MSRA: variants seen among roughly 807,000 people sequenced by gnomAD.
MSRA encodes the protein mitochondrial peptide methionine sulfoxide reductase.
In MSRA, 54 loss-of-function variants were observed where a neutral mutation model predicts 31.3. The ratio of observed to expected loss-of-function variants is 1.73; its 90% confidence interval spans 1.39 to 2.17. MSRA has a LOEUF of 2.17. Among genes scored for constraint, MSRA ranks in the 30% most tolerant of loss-of-function variants. The pLI is 0.00. For missense variants in MSRA, 507 were observed against 300.9 expected (o/e 1.69, Z -5.07); for synonymous variants, 169 against 116.5 (o/e 1.45, Z -2.90).
chr8:10,129,433 T>C (rs1801738393), intron 1 of MSRA, among the ~76,000 whole-genome samples: 1 of 152,190 alleles, frequency 6.6e-6, no homozygotes, highest in African/African-American at 2.4e-5. Flanking sequence ...TATAAAGTGA[T>C]GAGGTGAAAT....
intron 5 of MSRA, among the ~76,000 whole-genome samples, chr8:10,355,835 G>A (rs1447244248): frequency 3.3e-5 from 5 of 152,140 alleles, no homozygotes; most frequent in Admixed American, 1.3e-4. Flanking sequence ...GGTTTAGAGT[G>A]GAGACTTGGA....
At chr8:10,085,502 G>C (rs903582840) in intron 1 of MSRA, among the ~76,000 whole-genome samples, 12 of 152,162 alleles carry the variant, frequency 7.9e-5, no homozygotes, top group African/African-American at 2.9e-4. Context: ...TTTTAGGTGG[G>C]GACAGTGTCT....
chr8:10,105,397 T>A (rs543556312), intron 1 of MSRA, among the ~76,000 whole-genome samples: 1 of 152,330 alleles, frequency 6.6e-6, no homozygotes, highest in East Asian at 1.9e-4. Flanking sequence ...TTAATTAACA[T>A]CTAGAGGAAA....
At chr8:10,424,905 C>CG (rs1229187186) in intron 5 of MSRA, among the ~76,000 whole-genome samples, 9 of 152,192 alleles carry the variant, frequency 5.9e-5, no homozygotes, top group Admixed American at 1.3e-4. Flanking sequence ...GGGCCCACCC[C>CG]GGGGGACAGC....
intron 3 of MSRA, among the ~76,000 whole-genome samples, chr8:10,254,536 T>C (rs1409567596): frequency 1.3e-5 from 2 of 152,196 alleles, no homozygotes; most frequent in Non-Finnish European, 2.9e-5. Flanking sequence ...ATGACCACTT[T>C]GTAATCCACA....
chr8:10,087,400 C>A (rs73528907), intron 1 of MSRA, among the ~76,000 whole-genome samples: 1 of 152,308 alleles, frequency 6.6e-6, no homozygotes, highest in African/African-American at 2.4e-5. Flanking sequence ...GGCTCCATAT[C>A]CCTTGGCTCA....
intron 2 of MSRA, among the ~76,000 whole-genome samples, chr8:10,214,401 AG>A (rs990500987): frequency 6.6e-6 from 1 of 152,278 alleles, no homozygotes; most frequent in East Asian, 1.9e-4. Flanking sequence ...GTTTTGAATC[AG>A]CCCCGGTTAT....
At chr8:10,337,006 C>T (rs1027082357) in intron 5 of MSRA, 1 of 152,174 alleles carries the variant, frequency 6.6e-6, no homozygotes, top group African/African-American at 2.4e-5. Flanking sequence ...GCCCAGAAAA[C>T]AATGGTAAAG....
intron 5 of MSRA, among the ~76,000 whole-genome samples, chr8:10,363,739 C>CACACACACACACACACACACACACAG (rs1491121409): frequency 1.2e-4 from 3 of 24,982 alleles, no homozygotes; most frequent in Non-Finnish European, 2.1e-4. Context: ...ATGCAGTCAC[C>CACACACACACACACACACACACACAG]ACACACACAC....
intron 4 of MSRA, among the ~76,000 whole-genome samples, chr8:10,319,315 C>T (rs1320287404): frequency 1.3e-5 from 2 of 152,152 alleles, no homozygotes. Context: ...TAGAAACTGA[C>T]TATCATCCAC....
At chr8:10,363,609 C>T (rs1299228671) in intron 5 of MSRA, among the ~76,000 whole-genome samples, 1 of 152,074 alleles carries the variant, frequency 6.6e-6, no homozygotes, top group Non-Finnish European at 1.5e-5. Flanking sequence ...ACCTTCAGGG[C>T]CCCCAGTGCT....
chr8:10,305,124 A>T (rs1223556208), intron 4 of MSRA, among the ~76,000 whole-genome samples: 1 of 152,206 alleles, frequency 6.6e-6, no homozygotes, highest in Non-Finnish European at 1.5e-5. Flanking sequence ...AAGGACTTGA[A>T]GGGGCCTTAA....
In MSRA at chr8:10,328,027, A is replaced by ATTT. The variant is rs35940076; in HGVS notation, c.543+8061_543+8063dup. On this transcript the variant is annotated intron_variant, in intron 5 of 5. Transcript: ENST00000317173. ...TAGTTTGAATACCATCTCTATGGTA[A>ATTT]TTTTTTTTTTTTTTTTTTTTTTTTT... 9.2e-3 allele frequency among the ~76,000 whole-genome samples: 602 copies of ATTT among 65,286 alleles called. 37 individuals are homozygous for ATTT. The highest frequency in any genetic ancestry group is 0.017 in the Middle Eastern group (1 of 58). The allele number at this position is 65,286 out of a possible 152,430, so 42.8% of individuals were successfully genotyped here.
At chr8:10,318,554 C>T (rs1342427727) in intron 4 of MSRA, among the ~76,000 whole-genome samples, 1 of 152,172 alleles carries the variant, frequency 6.6e-6, no homozygotes, top group Non-Finnish European at 1.5e-5. Flanking sequence ...TCATCAATAA[C>T]ATTTTTCTGT....
At chr8:10,239,710 C>G (rs1812245057) in intron 2 of MSRA, among the ~76,000 whole-genome samples, 1 of 152,216 alleles carries the variant, frequency 6.6e-6, no homozygotes, top group African/African-American at 2.4e-5. Flanking sequence ...GGACTAGGAC[C>G]TCTAACTCTA....
intron 5 of MSRA, among the ~76,000 whole-genome samples, chr8:10,364,412 C>A (rs769785195): frequency 6.6e-5 from 10 of 152,204 alleles, no homozygotes; most frequent in Non-Finnish European, 1.2e-4. Context: ...CTTGGCGAAT[C>A]TCCATCACAC....
intron 5 of MSRA, among the ~76,000 whole-genome samples, chr8:10,377,398 C>G (rs1021832457): frequency 6.6e-6 from 1 of 152,232 alleles, no homozygotes; most frequent in Non-Finnish European, 1.5e-5. Flanking sequence ...TAGTAGCAGT[C>G]TTTTTCCATT....
chr8:10,306,148 G>A (rs888291423), intron 4 of MSRA, among the ~76,000 whole-genome samples: 1 of 152,118 alleles, frequency 6.6e-6, no homozygotes, highest in African/African-American at 2.4e-5. Context: ...AGATTTAGGA[G>A]TTTTGAGTTC....
intron 4 of MSRA, among the ~76,000 whole-genome samples, chr8:10,312,926 A>G (rs762163033): frequency 7.9e-5 from 12 of 152,372 alleles, no homozygotes; most frequent in Middle Eastern, 3.4e-3. Context: ...TATAGCAAGC[A>G]TTGTATTTAA....
Sources: gnomAD v4.1 joint callset for allele counts (sites outside exome capture counted in the v4.1 genomes callset) on GRCh38, gnomAD v4.1.1 for gene constraint, MANE v1.5 for transcripts, NCBI Gene and HGNC (gene_info 2026-07-23, HGNC 2026-07-21) for gene names.